The following XRN2 variants were observed in gnomAD, a reference collection of about 807,000 sequenced individuals.
XRN2 encodes 5'-3' exoribonuclease 2.
A neutral mutation model predicts 138.5 loss-of-function variants in XRN2; 44 were observed. The ratio of observed to expected loss-of-function variants is 0.32; its 90% CI spans 0.25 to 0.41. The LOEUF (loss-of-function observed/expected upper bound fraction) is 0.41, where lower values mean the gene tolerates loss of function less well. XRN2 is among the 10% of genes least tolerant of loss of function. XRN2 has a pLI of 1.00. For synonymous variants in XRN2, 354 were observed against 369.4 expected (o/e 0.96, Z 0.48); for missense variants, 937 against 1,169.3 (o/e 0.80, Z 2.90).
chr20:21,331,432 C>CAT, intron 6 of XRN2, 129 bp from the exon 7 acceptor site: 1 of 734,846 alleles, frequency 1.4e-6, no homozygotes. Context: ...CACACACACA[C>CAT]ACACACCCTT....
intron 1 of XRN2, among the ~76,000 whole-genome samples, chr20:21,324,656 T>G (rs564753507): frequency 1.3e-5 from 2 of 152,284 alleles, no homozygotes; most frequent in African/African-American, 4.8e-5. Context: ...GTTTAAGAGA[T>G]GAGATCTTAC....
intron 1 of XRN2, among the ~76,000 whole-genome samples, chr20:21,320,698 G>T (rs986524490): frequency 6.7e-6 from 1 of 150,148 alleles, no homozygotes; most frequent in Non-Finnish European, 1.5e-5. Context: ...GGGTTCAAGC[G>T]ATTCTCCTGC....
chr20:21,381,475 C>G (rs1053331904), intron 27 of XRN2, among the ~76,000 whole-genome samples: 8 of 151,966 alleles, frequency 5.3e-5, no homozygotes, highest in African/African-American at 1.9e-4. Context: ...GTGGGTGGTC[C>G]CTTCATTAAT....
chr20:21,318,571 TAATC>T (rs2037993600), intron 1 of XRN2, among the ~76,000 whole-genome samples: 1 of 152,114 alleles, frequency 6.6e-6, no homozygotes, highest in African/African-American at 2.4e-5. Flanking sequence ...AGATATTTCT[TAATC>T]TAAGCATTTG....
intron 1 of XRN2, among the ~76,000 whole-genome samples, chr20:21,304,241 C>CAAAA (rs1443292338): frequency 6.6e-6 from 1 of 151,956 alleles, no homozygotes; most frequent in Non-Finnish European, 1.5e-5. Context: ...CGATTTTGTG[C>CAAAA]TCTTAATTAG....
Position 21,326,339 on chromosome 20 carries a change from G to A in XRN2, c.136G>A (p.Val46Met). 6.2e-7 allele frequency: 1 copy of A among 1,613,854 alleles called. No homozygotes were observed. The highest frequency in any genetic ancestry group is 8.5e-7 in the Non-Finnish European group (1 of 1,179,866). ...TGCCAGTAAACCTAATCCAAATGAT[G>A]TGGAGTTTGATAATCTGTATTTGGA... is the stretch of plus-strand genomic sequence containing the variant. ...VDASKPNPND[V>M]EFDNLYLDMN... Residue 46 changes from valine (V) to methionine (M), a missense_variant, in exon 2 of 30, where the codon GTG becomes ATG. Val to Met is a conservative substitution (Grantham distance 21). Transcript: ENST00000377191.
In XRN2 at chr20:21,316,789, A is replaced by G. The variant is rs551259372; in HGVS notation, c.76-9490A>G. ...TATGGGATGTTATTTGTTTAGAACTATTTTGATTTCTGTCAACAGTGTTTT... is the reference window on the plus strand; with the variant it reads ...TATGGGATGTTATTTGTTTAGAACTGTTTTGATTTCTGTCAACAGTGTTTT... On this transcript the variant is annotated intron_variant, in intron 1 of 29. Transcript: ENST00000377191. Among the ~76,000 whole-genome samples, 5 of 152,340 alleles carry G rather than the reference A, an allele frequency of 3.3e-5. No homozygotes were observed. The South Asian group carries it at 1.0e-3, about 32-fold the overall frequency.
chr20:21,325,073 A>G (rs1288289059), intron 1 of XRN2, among the ~76,000 whole-genome samples: 1 of 152,236 alleles, frequency 6.6e-6, no homozygotes, highest in African/African-American at 2.4e-5. Flanking sequence ...ATGGGATTGT[A>G]TAGTACTTGG....
At chr20:21,331,437 AC>A (rs1555784465) in intron 6 of XRN2, 123 bp from the exon 7 acceptor site, 2 of 680,328 alleles carry the variant, frequency 2.9e-6, no homozygotes, top group South Asian at 1.6e-5. Context: ...ACACACACAC[AC>A]CCTTATTCAG....
chr20:21,386,053 ATTGTTTATGT>A (rs2038933553), intron 28 of XRN2, among the ~76,000 whole-genome samples: 2 of 152,342 alleles, frequency 1.3e-5, no homozygotes, highest in Admixed American at 1.3e-4. Flanking sequence ...TCCTTGCTAC[ATTGTTTATGT>A]GACAGTTTTT....
Position 21,348,329 on chromosome 20 carries a change from T to A in XRN2, c.1774-12T>A, listed in dbSNP as rs139457739. Reference sequence around the variant, plus strand: ...AATAATCTTGGGTCTTTAATGTTTTTTCTTTTTTCAGTTTAAACCACTAGA... The same window carrying A: ...AATAATCTTGGGTCTTTAATGTTTTATCTTTTTTCAGTTTAAACCACTAGA... On this transcript the variant is annotated splice_polypyrimidine_tract_variant and intron_variant, in intron 18 of 29. Coordinates refer to ENST00000377191, the MANE Select transcript of XRN2 (RefSeq NM_012255.5). 4.0e-4 allele frequency: 639 copies of A among 1,612,898 alleles called. 3 individuals carry two copies. In the African/African-American group the frequency reaches 7.4e-3, roughly 19 times the overall value.
At chr20:21,370,651 G>A (rs1378701107) in intron 27 of XRN2, among the ~76,000 whole-genome samples, 1 of 152,186 alleles carries the variant, frequency 6.6e-6, no homozygotes. Flanking sequence ...GAAGACATTA[G>A]TCTTTCCTTA....
At position 21,328,586 on chromosome 20, in the gene XRN2, C is replaced by T. The variant is rs749466894; in HGVS notation, c.343C>T (p.Arg115Cys). 2 of 1,613,866 alleles carry T rather than the reference C, an allele frequency of 1.2e-6. No homozygotes were observed. Among genetic ancestry groups the T allele is most frequent in the Non-Finnish European group, 1.7e-6 (2 of 1,179,918 alleles). ...VAPRAKMNQQ[R>C]SRRFRASKEG... is the part of the protein sequence containing the mutation. ...ACCACGTGCTAAAATGAACCAGCAG[C>T]GTTCAAGGAGGTTCAGGGCATCAAA... is the stretch of plus-strand genomic sequence containing the variant. The change falls in exon 4 of 30, where the codon CGT becomes TGT. Residue 115 changes from arginine to cysteine, a missense_variant. Physicochemically the swap from Arg to Cys is radical, Grantham distance 180. This residue lies in a region of XRN2 where 6 missense variants were observed against 25.6 expected (regional missense o/e 0.23). Transcript: ENST00000377191.
intron 27 of XRN2, among the ~76,000 whole-genome samples, chr20:21,373,478 T>C (rs549770191): frequency 6.6e-6 from 1 of 152,250 alleles, no homozygotes; most frequent in Non-Finnish European, 1.5e-5. Flanking sequence ...GGATATGTAC[T>C]CCATAGGAGT....
At position 21,346,387 on chromosome 20, in the gene XRN2, A is replaced by G. The variant is rs373969274; in HGVS notation, c.1530-28A>G. On this transcript the variant is annotated intron_variant, in intron 16 of 29. Coordinates refer to ENST00000377191, the MANE Select transcript of XRN2 (RefSeq NM_012255.5). ...CCTGTTACTGAAGGTGTGTTAATTC[A>G]GCATAAATGAGCTGTGCCTGGTTTT... 2.5e-4 allele frequency: 407 copies of G among 1,612,316 alleles called. 1 individual carries two copies. The highest frequency in any genetic ancestry group is 3.2e-4 in the Admixed American group (19 of 59,932).
chr20:21,350,570 A>G (rs1285742781), intron 20 of XRN2, among the ~76,000 whole-genome samples: 1 of 150,348 alleles, frequency 6.7e-6, no homozygotes. Context: ...TCTCTTACAC[A>G]GTAAACCAGC....
chr20:21,314,678 G>T (rs1291141760), intron 1 of XRN2, among the ~76,000 whole-genome samples: 1 of 151,868 alleles, frequency 6.6e-6, no homozygotes. Flanking sequence ...AAGAGATGGG[G>T]TTTCTCTGTG....
intron 17 of XRN2, among the ~76,000 whole-genome samples, 198 bp from the exon 18 acceptor site, chr20:21,347,948 A>T (rs1245564590): frequency 6.6e-6 from 1 of 152,260 alleles, no homozygotes; most frequent in African/African-American, 2.4e-5. Context: ...TCAAAGAGCC[A>T]TTGATATGAA....
chr20:21,380,392 A>G (rs1183547148), intron 27 of XRN2, among the ~76,000 whole-genome samples: 2 of 152,238 alleles, frequency 1.3e-5, no homozygotes, highest in Non-Finnish European at 2.9e-5. Flanking sequence ...ATGTAAATGT[A>G]TCTTAAGTTT....
Sources: gnomAD v4.1 joint callset for allele counts (sites outside exome capture counted in the v4.1 genomes callset) on GRCh38, gnomAD v4.1.1 for gene constraint, gnomAD v4.1.1 regional missense constraint, MANE v1.5 for transcripts, NCBI Gene and HGNC (gene_info 2026-07-23, HGNC 2026-07-21) for gene names.